EPHA6: variants seen among roughly 807,000 people sequenced by gnomAD.
EPHA6 encodes the protein ephrin type-A receptor 6.
In EPHA6, 50 loss-of-function variants were observed where a neutral mutation model predicts 112.0. The observed-to-expected ratio is 0.45, with a 90% confidence interval of 0.36 to 0.56. The LOEUF (loss-of-function observed/expected upper bound fraction) is 0.56, where lower values mean the gene tolerates loss of function less well. EPHA6 is among the 20% of genes least tolerant of loss of function. The pLI is 0.00. For missense variants in EPHA6, 1,280 were observed against 1,417.4 expected, an observed-to-expected ratio of 0.90 and a Z score of 1.56; for synonymous variants, 529 against 490.7, an observed-to-expected ratio of 1.08 and a Z score of -1.03.
intron 2 of EPHA6, among the ~76,000 whole-genome samples, chr3:96,884,503 AG>A (rs1233955399): frequency 2.6e-5 from 4 of 152,116 alleles, no homozygotes; most frequent in Non-Finnish European, 5.9e-5. Context: ...CAAGGAGTTG[AG>A]TTCTTGATTT....
At chr3:97,191,956 T>C (rs908852871) in intron 3 of EPHA6, among the ~76,000 whole-genome samples, 2 of 152,152 alleles carry the variant, frequency 1.3e-5, no homozygotes, top group Admixed American at 6.5e-5. Context: ...CAAGAGCATA[T>C]GAAGATTCCC....
intron 11 of EPHA6, among the ~76,000 whole-genome samples, chr3:97,563,430 C>A (rs748389541): frequency 1.5e-4 from 23 of 152,062 alleles, no homozygotes; most frequent in African/African-American, 5.6e-4. Flanking sequence ...AGGAGCATTG[C>A]AGAAGATAAG....
At chr3:96,909,083 T>G (rs1006913162) in intron 2 of EPHA6, among the ~76,000 whole-genome samples, 1 of 151,986 alleles carries the variant, frequency 6.6e-6, no homozygotes, top group Non-Finnish European at 1.5e-5. Flanking sequence ...AATAGATCCA[T>G]ATGATATTTT....
intron 11 of EPHA6, among the ~76,000 whole-genome samples, chr3:97,587,143 TGAGGCAG>T (rs1424720516): frequency 1.3e-5 from 2 of 151,776 alleles, no homozygotes; most frequent in Non-Finnish European, 2.9e-5. Context: ...CTCGGGAGGC[TGAGGCAG>T]GAGAATCGCT....
intron 3 of EPHA6, among the ~76,000 whole-genome samples, chr3:97,115,405 G>A (rs1346244490): frequency 6.6e-6 from 1 of 151,782 alleles, no homozygotes; most frequent in Non-Finnish European, 1.5e-5. Context: ...GGGAATTACT[G>A]GAGTGAATGG....
chr3:96,903,740 T>C (rs1291578660), intron 2 of EPHA6, among the ~76,000 whole-genome samples: 1 of 151,894 alleles, frequency 6.6e-6, no homozygotes, highest in South Asian at 2.1e-4. Flanking sequence ...GAATCTACAA[T>C]GAACTCAAAC....
chr3:97,605,286 C>G (rs2093672528), intron 12 of EPHA6, among the ~76,000 whole-genome samples: 1 of 151,198 alleles, frequency 6.6e-6, no homozygotes, highest in Admixed American at 6.6e-5. Flanking sequence ...AATTATGAGT[C>G]ACTGAGAGAA....
At chr3:96,818,946 T>C (rs2033031280) in intron 1 of EPHA6, among the ~76,000 whole-genome samples, 1 of 151,890 alleles carries the variant, frequency 6.6e-6, no homozygotes, top group African/African-American at 2.4e-5. Flanking sequence ...ATTTACAATA[T>C]AAAATAAGTA....
intron 15 of EPHA6, among the ~76,000 whole-genome samples, chr3:97,734,231 A>G (rs2035158916): frequency 6.6e-6 from 1 of 152,084 alleles, no homozygotes; most frequent in South Asian, 2.1e-4. Flanking sequence ...TAATTAGATA[A>G]CTGGAAAATT....
chr3:97,233,091 C>A (rs1157110718), intron 4 of EPHA6, among the ~76,000 whole-genome samples: 5 of 152,106 alleles, frequency 3.3e-5, no homozygotes, highest in Non-Finnish European at 7.4e-5. Context: ...TGGGAGACCA[C>A]TGTTCCCTGG....
chr3:97,203,062 C>T (rs1424050986), intron 3 of EPHA6, among the ~76,000 whole-genome samples: 2 of 152,050 alleles, frequency 1.3e-5, no homozygotes, highest in East Asian at 3.9e-4. Flanking sequence ...CAACTGCCCT[C>T]TGACAATGTG....
intron 10 of EPHA6, among the ~76,000 whole-genome samples, chr3:97,492,697 G>C (rs1238680812): frequency 6.8e-6 from 1 of 147,330 alleles, no homozygotes; most frequent in Non-Finnish European, 1.5e-5. Context: ...AATAAGTGAA[G>C]AAAACATGCA....
At chr3:97,254,999 G>A (rs1559830976) in intron 5 of EPHA6, among the ~76,000 whole-genome samples, 2 of 152,118 alleles carry the variant, frequency 1.3e-5, no homozygotes, top group East Asian at 1.9e-4. Flanking sequence ...GTTTATCATC[G>A]CCAACCACCT....
chr3:97,302,338 G>T (rs1208391891), intron 5 of EPHA6, among the ~76,000 whole-genome samples: 2 of 151,752 alleles, frequency 1.3e-5, no homozygotes, highest in African/African-American at 4.8e-5. Context: ...AACTGCTCTT[G>T]TCATAATAAA....
At chr3:97,673,978 A>C (rs1384676079) in intron 14 of EPHA6, among the ~76,000 whole-genome samples, 12 of 152,244 alleles carry the variant, frequency 7.9e-5, no homozygotes, top group Non-Finnish European at 1.8e-4. Context: ...AAACTCTTTT[A>C]AAAAGATTCC....
At chr3:97,189,269 A>G (rs949251106) in intron 3 of EPHA6, among the ~76,000 whole-genome samples, 7 of 152,064 alleles carry the variant, frequency 4.6e-5, no homozygotes, top group African/African-American at 1.2e-4. Context: ...GATAATCAAT[A>G]TCAAGAAAGG....
At chr3:97,589,394 C>G (rs2093522276) in intron 11 of EPHA6, among the ~76,000 whole-genome samples, 1 of 152,060 alleles carries the variant, frequency 6.6e-6, no homozygotes, top group South Asian at 2.1e-4. Flanking sequence ...GCATGCAGGC[C>G]ATGTCAGCTT....
chr3:97,105,684 G>A (rs552549937), intron 3 of EPHA6, among the ~76,000 whole-genome samples: 5 of 152,208 alleles, frequency 3.3e-5, no homozygotes, highest in Admixed American at 6.6e-5. Flanking sequence ...ATCCAAGGTT[G>A]AGTTCAGCTC....
intron 3 of EPHA6, among the ~76,000 whole-genome samples, chr3:97,080,841 T>G (rs933527447): frequency 3.9e-5 from 6 of 151,986 alleles, no homozygotes; most frequent in African/African-American, 1.4e-4. Flanking sequence ...TATTTCAATT[T>G]TTTTGGAATA....
Sources: gnomAD v4.1 joint callset for allele counts (sites outside exome capture counted in the v4.1 genomes callset) on GRCh38, gnomAD v4.1.1 for gene constraint, MANE v1.5 for transcripts, NCBI Gene and HGNC (gene_info 2026-07-23, HGNC 2026-07-21) for gene names.